TBCA: variants seen among roughly 807,000 people sequenced by gnomAD.
The protein encoded by TBCA is tubulin folding cofactor A, also known as tubulin-specific chaperone A.
Under a neutral mutation model 15.8 loss-of-function variants are expected in TBCA, and 6 were observed. The ratio of observed to expected loss-of-function variants is 0.38; its 90% CI spans 0.21 to 0.75. TBCA has a LOEUF of 0.75. TBCA is among the 30% of genes least tolerant of loss of function. The pLI is 0.46. For synonymous variants in TBCA, 32 were observed against 42.3 expected, an observed-to-expected ratio of 0.76 and a Z score of 0.94; for missense variants, 90 against 131.2, an observed-to-expected ratio of 0.69 and a Z score of 1.53.
chr5:77,714,300 AC>A (rs1226879627), intron 1 of TBCA, among the ~76,000 whole-genome samples: 1 of 152,134 alleles, frequency 6.6e-6, no homozygotes, highest in African/African-American at 2.4e-5. Flanking sequence ...AGCCTGGGCA[AC>A]AGAGTGAGAC....
At chr5:77,748,534 T>C (rs1747241054) in intron 1 of TBCA, among the ~76,000 whole-genome samples, 3 of 151,866 alleles carry the variant, frequency 2.0e-5, no homozygotes, top group African/African-American at 7.3e-5. Context: ...CAAAGTGAAA[T>C]TAATTTAAAT....
At chr5:77,744,530 C>CTTTTT (rs1561277852) in intron 1 of TBCA, among the ~76,000 whole-genome samples, 1 of 111,098 alleles carries the variant, frequency 9.0e-6, no homozygotes, top group South Asian at 3.4e-4. Context: ...GTCTTATTCA[C>CTTTTT]CTTTTTTTTT....
intron 2 of TBCA, among the ~76,000 whole-genome samples, chr5:77,699,807 GC>G (rs1745964789): frequency 6.6e-6 from 1 of 152,056 alleles, no homozygotes; most frequent in African/African-American, 2.4e-5. Flanking sequence ...GGAGGCCAAG[GC>G]GGGCAGATCA....
At chr5:77,705,468 T>A (rs1746129669) in intron 2 of TBCA, 1 of 396,036 alleles carries the variant, frequency 2.5e-6, no homozygotes, top group South Asian at 1.3e-4. Context: ...GCAGTATATA[T>A]CATAATTTTA....
intron 2 of TBCA, among the ~76,000 whole-genome samples, chr5:77,700,184 G>A (rs1468220948): frequency 1.3e-5 from 2 of 151,978 alleles, no homozygotes; most frequent in African/African-American, 2.4e-5. Context: ...CAGCCTGGGC[G>A]ACCAAGCAAG....
intron 1 of TBCA, among the ~76,000 whole-genome samples, chr5:77,747,304 T>A (rs1369269859): frequency 6.6e-6 from 1 of 152,094 alleles, no homozygotes; most frequent in South Asian, 2.1e-4. Context: ...TATAACATTG[T>A]CAGTGAAAAA....
chr5:77,697,094 A>G (rs1745889369), intron 2 of TBCA, among the ~76,000 whole-genome samples: 1 of 152,244 alleles, frequency 6.6e-6, no homozygotes, highest in African/African-American at 2.4e-5. Context: ...AAAAATATGT[A>G]AAACAAAAAC....
intron 1 of TBCA, among the ~76,000 whole-genome samples, chr5:77,713,756 C>T (rs1746334172): frequency 6.6e-6 from 1 of 151,992 alleles, no homozygotes; most frequent in South Asian, 2.1e-4. Flanking sequence ...ACTATTTAAA[C>T]ATTAATAAGC....
chr5:77,714,755 A>G (rs13155432), intron 1 of TBCA, among the ~76,000 whole-genome samples: 5 of 152,108 alleles, frequency 3.3e-5, no homozygotes, highest in Non-Finnish European at 7.4e-5. Flanking sequence ...TCTAGTAGAG[A>G]CGGAGTTTCA....
intron 2 of TBCA, 181 bp from the exon 3 acceptor site, chr5:77,693,533 T>C: frequency 1.3e-6 from 1 of 754,620 alleles, no homozygotes; most frequent in Non-Finnish European, 2.1e-6. Context: ...GCACAGTGGC[T>C]CACGCCTGTA....
intron 1 of TBCA, among the ~76,000 whole-genome samples, chr5:77,741,459 G>C (rs1747029598): frequency 6.6e-6 from 1 of 152,128 alleles, no homozygotes; most frequent in Non-Finnish European, 1.5e-5. Flanking sequence ...TGCGATGCAA[G>C]TAAGTCTGTA....
chr5:77,745,436 G>A (rs1250501432), intron 1 of TBCA, among the ~76,000 whole-genome samples: 1 of 152,094 alleles, frequency 6.6e-6, no homozygotes, highest in Non-Finnish European at 1.5e-5. Context: ...CACAACTTTA[G>A]TTTTTCTTAG....
At chr5:77,757,153 A>G (rs952963751) in intron 1 of TBCA, among the ~76,000 whole-genome samples, 1 of 152,192 alleles carries the variant, frequency 6.6e-6, no homozygotes, top group Admixed American at 6.5e-5. Flanking sequence ...CGTCAGGTAG[A>G]GTTGGTCAAA....
chr5:77,766,571 G>T (rs1397941366), intron 1 of TBCA, among the ~76,000 whole-genome samples: 1 of 23,030 alleles, frequency 4.3e-5, no homozygotes, highest in African/African-American at 1.9e-4. Flanking sequence ...GTGCTGTGGC[G>T]CGATCTCCGC....
rs1746026589 is a variant in TBCA at position 77,701,830 on chromosome 5, G to GATAT, written c.159+6408_159+6411dup. On this transcript the variant is annotated intron_variant, in intron 2 of 3. Coordinates refer to ENST00000380377, the MANE Select transcript of TBCA (RefSeq NM_004607.3). ...TAAGTGAGGTAACTCAGTATATATA[G>GATAT]ATATATGATGGAATACTACCTCAGC... Among the ~76,000 whole-genome samples the GATAT allele has an allele frequency of 2.7e-5, 4 of 150,468 alleles. No individual in the cohort carries two copies. The South Asian group carries it at 8.4e-4, about 32-fold the overall frequency.
intron 1 of TBCA, among the ~76,000 whole-genome samples, chr5:77,749,985 T>C (rs1478160119): frequency 2.0e-5 from 3 of 152,146 alleles, no homozygotes; most frequent in Non-Finnish European, 4.4e-5. Flanking sequence ...TAAATACTTG[T>C]GCATGCACAG....
In TBCA at chr5:77,716,091, C is replaced by T. The variant is rs564825244; in HGVS notation, c.54-7744G>A. ...TTTGATCCTATTTAAGTAGTATTAT[C>T]TCTATTTTACAATCTCTTTTTAATT... On this transcript the variant is annotated intron_variant, in intron 1 of 3. Coordinates refer to ENST00000380377, the MANE Select transcript of TBCA (RefSeq NM_004607.3). 2.0e-5 allele frequency among the ~76,000 whole-genome samples: 3 copies of T among 152,260 alleles called. No homozygotes were observed. The East Asian group carries it at 5.8e-4, about 29-fold the overall frequency.
At chr5:77,728,376 A>G (rs1160881598) in intron 1 of TBCA, among the ~76,000 whole-genome samples, 1 of 152,184 alleles carries the variant, frequency 6.6e-6, no homozygotes, top group Non-Finnish European at 1.5e-5. Context: ...TTCTTTAGGT[A>G]TGATTCTATA....
At chr5:77,708,803 T>A (rs2112439860) in intron 1 of TBCA, among the ~76,000 whole-genome samples, 1 of 152,102 alleles carries the variant, frequency 6.6e-6, no homozygotes, top group East Asian at 1.9e-4. Flanking sequence ...TCTCCCGACC[T>A]TGTGATCCAC....
Sources: allele counts gnomAD v4.1 joint callset (sites outside exome capture counted in the v4.1 genomes callset), GRCh38; gene constraint gnomAD v4.1.1; transcripts MANE v1.5; gene names NCBI Gene and HGNC (gene_info 2026-07-23, HGNC 2026-07-21).